RORA: variants seen among roughly 807,000 people sequenced by gnomAD.
RORA encodes nuclear receptor ROR-alpha.
Under a neutral mutation model 69.5 loss-of-function variants are expected in RORA, and 7 were observed. The ratio of observed to expected loss-of-function variants is 0.10; its 90% CI spans 0.06 to 0.19. The LOEUF (loss-of-function observed/expected upper bound fraction) is 0.19. RORA is among the 10% of genes least tolerant of loss of function. RORA has a pLI of 1.00. For synonymous variants in RORA, 261 were observed against 240.8 expected, an observed-to-expected ratio of 1.08 and a Z score of -0.78; for missense variants, 457 against 663.0, an observed-to-expected ratio of 0.69 and a Z score of 3.41.
At chr15:60,592,877 A>C in intron 2 of RORA, 1 of 458,088 alleles carries the variant, frequency 2.2e-6, no homozygotes, top group Non-Finnish European at 4.3e-6. Context: ...TTCTGCCCCC[A>C]CTCGGTGGGG....
At chr15:60,912,838 G>C (rs919838842) in intron 1 of RORA, among the ~76,000 whole-genome samples, 3 of 152,066 alleles carry the variant, frequency 2.0e-5, no homozygotes, top group Admixed American at 6.5e-5. Flanking sequence ...CAGTGTTTGG[G>C]GAATCCATTA....
At chr15:60,597,887 C>T (rs936689959) in intron 2 of RORA, among the ~76,000 whole-genome samples, 3 of 151,470 alleles carry the variant, frequency 2.0e-5, no homozygotes, top group Non-Finnish European at 4.4e-5. Context: ...GGAACACTTT[C>T]TTCCCTTTCT....
chr15:60,735,005 T>C (rs1174631571), intron 1 of RORA, among the ~76,000 whole-genome samples: 1 of 152,220 alleles, frequency 6.6e-6, no homozygotes, highest in Non-Finnish European at 1.5e-5. Flanking sequence ...AATGGTGTTA[T>C]TTAAGGTGTG....
At chr15:61,180,647 T>G (rs1284537503) in intron 1 of RORA, among the ~76,000 whole-genome samples, 2 of 152,244 alleles carry the variant, frequency 1.3e-5, no homozygotes, top group Non-Finnish European at 2.9e-5. Flanking sequence ...CTCTGTATGT[T>G]GTGCCTATGT....
Position 61,168,870 on chromosome 15 carries a change from G to C in RORA, c.166+60183C>G, listed in dbSNP as rs543921430. ...ATGGGTGTAATGCTTACCTCCCAAAGTCTCTGACAGCCTAAATGAGATCAC... is the reference window on the plus strand; with the variant it reads ...ATGGGTGTAATGCTTACCTCCCAAACTCTCTGACAGCCTAAATGAGATCAC... On this transcript the variant is annotated intron_variant, in intron 1 of 10. Transcript: ENST00000335670. Among the ~76,000 whole-genome samples the C allele has an allele frequency of 1.6e-3, 239 of 152,238 alleles. 1 individual carries two copies. Among genetic ancestry groups the C allele is most frequent in the African/African-American group, 5.6e-3 (231 of 41,554 alleles).
intron 1 of RORA, among the ~76,000 whole-genome samples, chr15:61,022,630 G>A (rs1895589025): frequency 6.6e-6 from 1 of 152,124 alleles, no homozygotes; most frequent in South Asian, 2.1e-4. Context: ...ACTCCTTTCT[G>A]TACTTTTGTG....
chr15:61,116,807 G>GA (rs563001651), intron 1 of RORA, among the ~76,000 whole-genome samples: 2 of 152,180 alleles, frequency 1.3e-5, no homozygotes, highest in Admixed American at 6.5e-5. Context: ...TTTGTAAATA[G>GA]AAAAAATATA....
chr15:60,714,693 T>G (rs1179269576), intron 1 of RORA, among the ~76,000 whole-genome samples: 1 of 152,174 alleles, frequency 6.6e-6, no homozygotes, highest in Non-Finnish European at 1.5e-5. Flanking sequence ...AGGATTTTTC[T>G]TCTTACATAG....
intron 1 of RORA, among the ~76,000 whole-genome samples, chr15:61,198,714 C>T (rs1423695405): frequency 1.3e-5 from 2 of 151,168 alleles, no homozygotes; most frequent in Non-Finnish European, 2.9e-5. Flanking sequence ...TATACTGATA[C>T]CTATTTATTT....
Position 61,156,459 on chromosome 15 carries a change from G to T in RORA, c.166+72594C>A, listed in dbSNP as rs188884813. On this transcript the variant is annotated intron_variant, in intron 1 of 10. Coordinates refer to ENST00000335670, the MANE Select transcript of RORA (RefSeq NM_134261.3). ...GTACATGAGTCATAAAATAGCTCCT[G>T]GAAGAGCCAGTTCCATCAAGTCTTC... Among the ~76,000 whole-genome samples the T allele has an allele frequency of 5.3e-4, 80 of 152,218 alleles. 4 individuals are homozygous for T. In the East Asian group the frequency reaches 0.011, roughly 21 times the overall value.
intron 8 of RORA, 84 bp downstream of exon 8, chr15:60,502,676 T>C: frequency 1.1e-6 from 1 of 876,214 alleles, no homozygotes; most frequent in Non-Finnish European, 1.9e-6. Context: ...AAAGTTTTCA[T>C]TTTGTCCAAG....
intron 2 of RORA, among the ~76,000 whole-genome samples, chr15:60,561,206 C>G (rs924478237): frequency 2.0e-5 from 3 of 151,396 alleles, no homozygotes; most frequent in African/African-American, 7.3e-5. Context: ...CTCAGCCTCC[C>G]GAGTAGCTGG....
intron 1 of RORA, among the ~76,000 whole-genome samples, chr15:61,059,952 A>AGAGGAAGAG (rs1184555269): frequency 7.3e-5 from 9 of 122,474 alleles, no homozygotes; most frequent in East Asian, 4.6e-4. Flanking sequence ...AAGAAGAAGA[A>AGAGGAAGAG]GAAGAAGAAG....
At chr15:60,917,732 C>G (rs1192482818) in intron 1 of RORA, among the ~76,000 whole-genome samples, 1 of 152,232 alleles carries the variant, frequency 6.6e-6, no homozygotes, top group Admixed American at 6.5e-5. Flanking sequence ...TATAATCTCT[C>G]AGGAGTTAAG....
At chr15:60,710,046 GT>G (rs918872180) in intron 1 of RORA, among the ~76,000 whole-genome samples, 1 of 152,268 alleles carries the variant, frequency 6.6e-6, no homozygotes, top group African/African-American at 2.4e-5. Context: ...TCTGTCAGGA[GT>G]TTTTACCTTG....
At position 60,491,172 on chromosome 15, in the gene RORA, C is replaced by T. The variant is rs1319884731; in HGVS notation, c.*6283G>A. On this transcript the variant is annotated 3_prime_UTR_variant, in exon 11 of 11. Coordinates refer to ENST00000335670, the MANE Select transcript of RORA (RefSeq NM_134261.3). The stretch of plus-strand genomic sequence containing the variant: ...CACTATATTGCTCAAGAATTATCTG[C>T]ATTTACATATGCAATCTGTTCAGTG... 6.6e-6 allele frequency: 1 copy of T among 152,096 alleles called. No homozygotes were observed. Among genetic ancestry groups the T allele is most frequent in the African/African-American group, 2.4e-5 (1 of 41,430 alleles). The allele number at this position is 152,096 out of a possible 1,614,324, so 9.4% of individuals were successfully genotyped here.
intron 1 of RORA, among the ~76,000 whole-genome samples, chr15:61,014,034 C>T (rs1416330028): frequency 3.9e-5 from 6 of 152,078 alleles, no homozygotes; most frequent in Admixed American, 2.6e-4. Flanking sequence ...CTGCCCGCCT[C>T]GGCCTCCCAA....
At chr15:61,025,955 G>A (rs949668667) in intron 1 of RORA, among the ~76,000 whole-genome samples, 7 of 152,086 alleles carry the variant, frequency 4.6e-5, no homozygotes, top group African/African-American at 1.7e-4. Flanking sequence ...CATTCCTAAA[G>A]GATTTCAGGC....
chr15:61,044,022 C>T (rs1467963437), intron 1 of RORA, among the ~76,000 whole-genome samples: 1 of 152,170 alleles, frequency 6.6e-6, no homozygotes, highest in African/African-American at 2.4e-5. Context: ...ACACGGACCC[C>T]AGGCTCCTCC....
Sources: gnomAD v4.1 joint callset for allele counts (sites outside exome capture counted in the v4.1 genomes callset) on GRCh38, gnomAD v4.1.1 for gene constraint, MANE v1.5 for transcripts, NCBI Gene and HGNC (gene_info 2026-07-23, HGNC 2026-07-21) for gene names.